The following SEMA4D variants were observed in gnomAD, a reference collection of about 807,000 sequenced individuals.
SEMA4D encodes the protein semaphorin-4D.
A neutral mutation model predicts 74.8 loss-of-function variants in SEMA4D; 22 were observed. The ratio of observed to expected loss-of-function variants is 0.29; its 90% CI spans 0.21 to 0.42. SEMA4D has a LOEUF of 0.42. Among genes scored for constraint, SEMA4D ranks in the 10% least tolerant of loss-of-function variants. The pLI is 1.00. For synonymous variants in SEMA4D, 445 were observed against 463.7 expected, an observed-to-expected ratio of 0.96 and a Z score of 0.52; for missense variants, 937 against 1,118.4, an observed-to-expected ratio of 0.84 and a Z score of 2.31.
At chr9:89,472,927 C>G (rs994483517) in intron 1 of SEMA4D, among the ~76,000 whole-genome samples, 2 of 151,508 alleles carry the variant, frequency 1.3e-5, no homozygotes, top group African/African-American at 4.9e-5. Context: ...GACCCCATCT[C>G]TATAAAAAAT....
intron 4 of SEMA4D, among the ~76,000 whole-genome samples, chr9:89,399,699 T>C (rs543846568): frequency 7.9e-5 from 12 of 152,260 alleles, no homozygotes; most frequent in African/African-American, 2.6e-4. Context: ...TTTCCATCCA[T>C]TCAAAGTGAC....
chr9:89,488,734 G>A (rs1825397237), intron 1 of SEMA4D, among the ~76,000 whole-genome samples: 1 of 152,128 alleles, frequency 6.6e-6, no homozygotes, highest in South Asian at 2.1e-4. Context: ...AGAAAACACA[G>A]ATAATCTTTA....
chr9:89,458,065 C>T (rs1006147578), intron 1 of SEMA4D, among the ~76,000 whole-genome samples: 2 of 152,034 alleles, frequency 1.3e-5, no homozygotes, highest in Non-Finnish European at 2.9e-5. Flanking sequence ...AAAAAACAAA[C>T]CCTGAGGAGG....
At chr9:89,495,759 G>A (rs929214421) in intron 1 of SEMA4D, among the ~76,000 whole-genome samples, 39 of 152,096 alleles carry the variant, frequency 2.6e-4, no homozygotes, top group Non-Finnish European at 4.1e-4. Flanking sequence ...CTGGCTCCAG[G>A]GGTCAGGAGG....
chr9:89,380,955 A>AC (rs1351598967), intron 15 of SEMA4D, 100 bp downstream of exon 15: 2 of 1,440,044 alleles, frequency 1.4e-6, no homozygotes, highest in Non-Finnish European at 1.9e-6. Flanking sequence ...TGGAGAAAGA[A>AC]AAACAAAACA....
chr9:89,361,659 T>C (rs1832775674), exon 19 of SEMA4D: 1 of 152,262 alleles, frequency 6.6e-6, no homozygotes, highest in African/African-American at 2.4e-5. Flanking sequence ...CTATTTGGCT[T>C]TCTGCATCAA....
At position 89,381,744 on chromosome 9, in the gene SEMA4D, G is replaced by T. The variant is rs558227827; in HGVS notation, c.1447-398C>A. 1 of 161,968 alleles carries T rather than the reference G, an allele frequency of 6.2e-6. No homozygotes were observed. The highest frequency in any genetic ancestry group is 1.3e-5 in the Non-Finnish European group (1 of 74,714). 10.0% of individuals were successfully genotyped at this position (161,968 alleles called of 1,614,324 possible). A position where few individuals can be genotyped will look rare whatever the true frequency, so the allele number is the denominator to read the frequency against. On this transcript the variant is annotated intron_variant, in intron 13 of 15. Transcript: ENST00000422704. This position sits in a 1 kb window ranked among gnomAD's most constrained non-coding sequence, Gnocchi z 4.6. ...CGGTCATCTTCCCGGCCTCACTATA[G>T]GTGAGAAGGGGCTGCAGCCAGAGGC...
At chr9:89,453,986 T>C (rs2135495036) in intron 2 of SEMA4D, among the ~76,000 whole-genome samples, 1 of 151,824 alleles carries the variant, frequency 6.6e-6, no homozygotes, top group South Asian at 2.1e-4. Flanking sequence ...GCCTCCTGAG[T>C]AGCTGGGACT....
At chr9:89,481,168 A>G (rs1278168486) in intron 1 of SEMA4D, among the ~76,000 whole-genome samples, 3 of 152,248 alleles carry the variant, frequency 2.0e-5, no homozygotes, top group African/African-American at 7.2e-5. Flanking sequence ...GAAACTGTGA[A>G]GCTGAAAAAC....
intron 16 of SEMA4D, chr9:89,365,245 G>C (rs1833444114): frequency 6.6e-6 from 1 of 152,510 alleles, no homozygotes; most frequent in African/African-American, 2.4e-5. Context: ...GCAGGTGAGG[G>C]GGTGCAGGTG....
intron 1 of SEMA4D, chr9:89,497,345 A>C (rs983066686): frequency 6.6e-6 from 1 of 152,544 alleles, no homozygotes; most frequent in African/African-American, 2.4e-5. Context: ...CAAGGCGGCG[A>C]CCTGACCACT....
intron 1 of SEMA4D, among the ~76,000 whole-genome samples, chr9:89,458,430 A>T (rs527890800): frequency 2.0e-5 from 3 of 152,174 alleles, no homozygotes; most frequent in South Asian, 4.1e-4. Flanking sequence ...CGGAAGGCCA[A>T]CCCATGGCTG....
intron 1 of SEMA4D, among the ~76,000 whole-genome samples, chr9:89,463,476 C>G (rs1293831963): frequency 6.6e-6 from 1 of 152,238 alleles, no homozygotes; most frequent in East Asian, 1.9e-4. Flanking sequence ...GGGGGCTTTT[C>G]ATGATCAAGT....
At chr9:89,376,409 C>G (rs1835794880), downstream of SEMA4D, 2 of 153,642 alleles carry the variant, frequency 1.3e-5, no homozygotes, top group Admixed American at 6.5e-5. Context: ...TCCTATATAC[C>G]ACAGGTTGGG....
At chr9:89,371,733 G>A (rs1384564261) in intron 16 of SEMA4D, among the ~76,000 whole-genome samples, 3 of 105,156 alleles carry the variant, frequency 2.9e-5, no homozygotes, top group South Asian at 7.2e-4. Context: ...TGTGTCTGGG[G>A]TGTGGTGTGT....
Position 89,386,430 on chromosome 9 carries a change from G to A in SEMA4D, c.1383C>T (p.Ile461=), listed in dbSNP as rs902309318. The change falls in exon 13 of 16, where the codon ATC becomes ATT. Residue 461 remains isoleucine (I), a synonymous_variant. Coordinates refer to ENST00000422704, the MANE Select transcript of SEMA4D (RefSeq NM_001371194.2). Reference sequence around the variant, plus strand: ...AGTCCTGGAAGAGCTGGGTCTCCTCGATGATGTGAACAGCGTGCTCGAGGC... The same window carrying A: ...AGTCCTGGAAGAGCTGGGTCTCCTCAATGATGTGAACAGCGTGCTCGAGGC... ...AISLEHAVHI[I]EETQLFQDFE... 8.1e-6 allele frequency: 13 copies of A among 1,614,112 alleles called. No individual in the cohort carries two copies. The highest frequency in any genetic ancestry group is 3.3e-5 in the South Asian group (3 of 91,084).
chr9:89,376,642 A>C (rs139216582), downstream of SEMA4D: 6,825 of 794,096 alleles, frequency 8.6e-3, 44 homozygotes, highest in Non-Finnish European at 0.011. Flanking sequence ...GTGGCTTCAC[A>C]CTGTCTACAG....
At chr9:89,482,395 G>A (rs1824791220) in intron 1 of SEMA4D, among the ~76,000 whole-genome samples, 1 of 152,178 alleles carries the variant, frequency 6.6e-6, no homozygotes, top group South Asian at 2.1e-4. Context: ...CACTCGTTAC[G>A]GTTTACACAG....
chr9:89,381,172 A>C lies in SEMA4D; in HGVS notation c.1619+2T>G. On this transcript the variant is annotated splice_donor_variant, in intron 14 of 15. Coordinates refer to ENST00000422704, the MANE Select transcript of SEMA4D (RefSeq NM_001371194.2). LOFTEE classifies it high-confidence loss of function. The surrounding 1 kb of genome is among the most constrained non-coding windows in gnomAD (Gnocchi z 4.6). ...CCCCAGGCAGCGCATCCCGCCCCAT[A>C]CCTGCTGGGGCTCTCGGTCTGGTGC... 6.2e-7 allele frequency: 1 copy of C among 1,613,846 alleles called. No individual in the cohort carries two copies. Among genetic ancestry groups the C allele is most frequent in the Non-Finnish European group, 8.5e-7 (1 of 1,179,844 alleles).
Sources: allele counts gnomAD v4.1 joint callset (sites outside exome capture counted in the v4.1 genomes callset), GRCh38; gene constraint gnomAD v4.1.1; non-coding constraint Gnocchi (gnomAD v3.1); transcripts MANE v1.5; gene names NCBI Gene and HGNC (gene_info 2026-07-23, HGNC 2026-07-21).